UBE2E2: variants seen among roughly 807,000 people sequenced by gnomAD.
UBE2E2 encodes ubiquitin-conjugating enzyme E2 E2.
UBE2E2 carries 6 observed loss-of-function variants against 24.7 expected under a neutral mutation model. The ratio of observed to expected loss-of-function variants is 0.24; its 90% CI spans 0.13 to 0.48. The LOEUF (loss-of-function observed/expected upper bound fraction) is 0.48. Ranked by LOEUF, UBE2E2 falls within the 20% of genes least tolerant of loss-of-function variation. UBE2E2 has a pLI of 0.99. For missense variants in UBE2E2, 169 were observed against 245.0 expected (o/e 0.69, Z 2.07); for synonymous variants, 104 against 83.6 (o/e 1.24, Z -1.33).
At chr3:23,308,847 G>A (rs1389940209) in intron 3 of UBE2E2, among the ~76,000 whole-genome samples, 1 of 152,182 alleles carries the variant, frequency 6.6e-6, no homozygotes, top group Admixed American at 6.5e-5. Context: ...AACCGGGTAA[G>A]CTGACAGTGC....
chr3:23,349,578 T>C (rs185079636), intron 3 of UBE2E2, among the ~76,000 whole-genome samples: 60 of 152,270 alleles, frequency 3.9e-4, no homozygotes, highest in African/African-American at 1.4e-3. Context: ...ACCAGGAGAT[T>C]ATATCCCACG....
chr3:23,393,965 T>C (rs1469198433), intron 3 of UBE2E2, among the ~76,000 whole-genome samples: 4 of 152,248 alleles, frequency 2.6e-5, no homozygotes, highest in Non-Finnish European at 5.9e-5. Context: ...GAAAATTCTA[T>C]CTAGCCCTTT....
intron 3 of UBE2E2, among the ~76,000 whole-genome samples, chr3:23,265,907 T>C (rs1171600663): frequency 2.0e-5 from 3 of 152,218 alleles, no homozygotes; most frequent in African/African-American, 7.2e-5. Flanking sequence ...GTAATGGCCT[T>C]CTTTGTCTCT....
intron 4 of UBE2E2, among the ~76,000 whole-genome samples, chr3:23,503,858 GAATAAATA>G (rs139081184): frequency 6.6e-6 from 1 of 151,752 alleles, no homozygotes; most frequent in Non-Finnish European, 1.5e-5. Flanking sequence ...GTCTCTAAAT[GAATAAATA>G]AATAAGTAAA....
At chr3:23,577,520 G>C (rs1174729192) in intron 5 of UBE2E2, among the ~76,000 whole-genome samples, 1 of 152,112 alleles carries the variant, frequency 6.6e-6, no homozygotes, top group Non-Finnish European at 1.5e-5. Context: ...GCAGAGGTAG[G>C]CTCACAAGGT....
intron 1 of UBE2E2, among the ~76,000 whole-genome samples, chr3:23,208,453 G>T (rs942313173): frequency 4.6e-5 from 7 of 152,062 alleles, no homozygotes; most frequent in Non-Finnish European, 7.4e-5. Flanking sequence ...TGATTATTAT[G>T]AATAATGTTG....
chr3:23,523,756 A>G (rs560207745), intron 4 of UBE2E2, among the ~76,000 whole-genome samples: 8 of 152,010 alleles, frequency 5.3e-5, no homozygotes, highest in Middle Eastern at 3.4e-3. Flanking sequence ...TTTAGGGTGT[A>G]TGTTAGTTAT....
intron 3 of UBE2E2, among the ~76,000 whole-genome samples, chr3:23,374,873 A>G (rs1272860365): frequency 6.6e-6 from 1 of 152,124 alleles, no homozygotes; most frequent in Non-Finnish European, 1.5e-5. Context: ...ATCTCATGCA[A>G]TCCTTCTGTC....
intron 3 of UBE2E2, among the ~76,000 whole-genome samples, chr3:23,413,917 A>G (rs1697558110): frequency 6.6e-6 from 1 of 152,130 alleles, no homozygotes; most frequent in Admixed American, 6.6e-5. Context: ...GAATGCATAT[A>G]TTTATCGTTA....
At chr3:23,235,224 G>A (rs947529060) in intron 3 of UBE2E2, among the ~76,000 whole-genome samples, 3 of 152,152 alleles carry the variant, frequency 2.0e-5, no homozygotes, top group Non-Finnish European at 4.4e-5. Context: ...TAATTGCTAT[G>A]AAGAAAACCA....
At chr3:23,297,224 A>G (rs1271889925) in intron 3 of UBE2E2, among the ~76,000 whole-genome samples, 1 of 151,762 alleles carries the variant, frequency 6.6e-6, no homozygotes, top group Admixed American at 6.6e-5. Context: ...TTGTCAGATG[A>G]GTAGGTTGCA....
At chr3:23,383,581 G>A (rs1257593445) in intron 3 of UBE2E2, among the ~76,000 whole-genome samples, 7 of 151,804 alleles carry the variant, frequency 4.6e-5, no homozygotes, top group East Asian at 1.9e-4. Flanking sequence ...GGCATCTGTC[G>A]GCCACTCTGT....
chr3:23,400,607 AACACACACACACAC>A (rs3087043), intron 3 of UBE2E2, among the ~76,000 whole-genome samples: 26 of 137,836 alleles, frequency 1.9e-4, no homozygotes, highest in South Asian at 1.4e-3. Context: ...GAATAAATGA[AACACACACACACAC>A]ACACACACAC....
Position 23,408,942 on chromosome 3 carries a change from A to G in UBE2E2, c.228-90666A>G, listed in dbSNP as rs559149555. Reference sequence around the variant, plus strand: ...AAAGAAGAGCCCTTGTATTTGAATAATGCTTAATTCCTACTTCTGTGGGAT... The same window carrying G: ...AAAGAAGAGCCCTTGTATTTGAATAGTGCTTAATTCCTACTTCTGTGGGAT... On this transcript the variant is annotated intron_variant, in intron 3 of 5. Transcript: ENST00000396703. 1.6e-4 allele frequency among the ~76,000 whole-genome samples: 24 copies of G among 152,272 alleles called. No individual in the cohort carries two copies. In the East Asian group the frequency reaches 3.1e-3, roughly 20 times the overall value.
chr3:23,203,559 A>T (rs1323964786), intron 1 of UBE2E2, 95 bp downstream of exon 1: 1 of 771,572 alleles, frequency 1.3e-6, no homozygotes, highest in Non-Finnish European at 1.5e-6. Flanking sequence ...TCCGCGTCGC[A>T]GGTCTCTGCT....
chr3:23,431,616 G>A (rs770094988), intron 3 of UBE2E2, among the ~76,000 whole-genome samples: 29 of 152,218 alleles, frequency 1.9e-4, no homozygotes, highest in Middle Eastern at 3.4e-3. Context: ...GTTGTAAAGT[G>A]AGGTTTATAG....
chr3:23,214,226 A>G (rs978405417), intron 2 of UBE2E2, among the ~76,000 whole-genome samples: 2 of 152,120 alleles, frequency 1.3e-5, no homozygotes, highest in African/African-American at 2.4e-5. Context: ...CAAATTTTAT[A>G]TAGAATTATA....
intron 3 of UBE2E2, among the ~76,000 whole-genome samples, chr3:23,358,078 A>C (rs1002736781): frequency 6.6e-6 from 1 of 152,150 alleles, no homozygotes; most frequent in African/African-American, 2.4e-5. Context: ...TTGAGTGATC[A>C]GCCTGCCTTG....
At chr3:23,476,743 T>A (rs1365266954) in intron 3 of UBE2E2, among the ~76,000 whole-genome samples, 4 of 152,184 alleles carry the variant, frequency 2.6e-5, no homozygotes, top group Non-Finnish European at 5.9e-5. Flanking sequence ...TGGTTTGATT[T>A]TTAATTTTAC....
Sources: gnomAD v4.1 joint callset for allele counts (sites outside exome capture counted in the v4.1 genomes callset) on GRCh38, gnomAD v4.1.1 for gene constraint, MANE v1.5 for transcripts, NCBI Gene and HGNC (gene_info 2026-07-23, HGNC 2026-07-21) for gene names.